Variants in ABCA13 observed in about 807,000 individuals in gnomAD.
ABCA13 encodes the protein ATP binding cassette subfamily A member 13, also known as ATP-binding cassette sub-family A member 13.
ABCA13 carries 476 observed loss-of-function variants against 478.7 expected under a neutral mutation model. The ratio of observed to expected loss-of-function variants is 0.99; its 90% CI spans 0.92 to 1.07. The LOEUF (loss-of-function observed/expected upper bound fraction) is 1.07, where lower values mean the gene tolerates loss of function less well. Ranked by LOEUF, ABCA13 falls within the 50% of genes least tolerant of loss-of-function variation. The probability of loss-of-function intolerance (pLI) is 0.00; values close to 1 mark genes in which losing one functional copy is unlikely to be tolerated. For missense variants in ABCA13, 6,060 were observed against 5,910.6 expected (o/e 1.03, Z -0.83); for synonymous variants, 2,252 against 2,158.9 (o/e 1.04, Z -1.20).
intron 58 of ABCA13, among the ~76,000 whole-genome samples, chr7:48,596,176 C>T (rs1462316787): frequency 6.6e-6 from 1 of 152,224 alleles, no homozygotes; most frequent in African/African-American, 2.4e-5. Flanking sequence ...GTGAAGAACT[C>T]AGCCATTCAC....
chr7:48,372,127 C>T lies in ABCA13; in HGVS notation c.10804-41C>T, dbSNP rs576577667. 1.7e-5 allele frequency: 27 copies of T among 1,543,266 alleles called. No individual in the cohort carries two copies. In the East Asian group the frequency reaches 1.8e-4, roughly 10 times the overall value. ...CATCTGATTTGTTCTTCCTCAAGTACGCATGCTGTGGTAACCTTGGGTTTT... is the reference window on the plus strand; with the variant it reads ...CATCTGATTTGTTCTTCCTCAAGTATGCATGCTGTGGTAACCTTGGGTTTT... On this transcript the variant is annotated intron_variant, in intron 32 of 61. Transcript: ENST00000435803.
At chr7:48,312,926 T>C in intron 24 of ABCA13, 141 bp from the exon 25 acceptor site, 1 of 801,154 alleles carries the variant, frequency 1.2e-6, no homozygotes, top group East Asian at 2.9e-5. Context: ...ATAACTTTCA[T>C]ATAGTACCGC....
At chr7:48,330,047 AT>A (rs1805025222) in intron 27 of ABCA13, among the ~76,000 whole-genome samples, 1 of 150,842 alleles carries the variant, frequency 6.6e-6, no homozygotes, top group Non-Finnish European at 1.5e-5. Flanking sequence ...CCATCCATCC[AT>A]CCATCCATCC....
chr7:48,239,322 C>T lies in ABCA13; in HGVS notation c.979C>T (p.His327Tyr), dbSNP rs770982616. 5 of 1,613,918 alleles carry T rather than the reference C, an allele frequency of 3.1e-6. No individual in the cohort carries two copies. The East Asian group carries it at 1.1e-4, about 36-fold the overall frequency. ...TSEDEAEKWG[H>Y]VGGCHPKWSE... ...AGAGGATGAAGCTGAGAAATGGGGC[C>T]ACGTTGGAGGCTGCCACCCTAAGTG... The change falls in exon 9 of 62, where the codon CAC (histidine) becomes TAC (tyrosine). Residue 327 changes from histidine (H) to tyrosine (Y), a missense_variant. By Grantham distance (83) the His-to-Tyr change is moderately conservative (BLOSUM62 2). Transcript: ENST00000435803.
Position 48,246,361 on chromosome 7 carries a change from T to G in ABCA13, c.1659+331T>G, listed in dbSNP as rs191043472. On this transcript the variant is annotated intron_variant, in intron 13 of 61. Transcript: ENST00000435803. ...AGAAAAGCAGAGGAGTCTCTGGTGA[T>G]TAGTCAATCCCAGCAAAACTGTGGC... 1.6e-3 allele frequency among the ~76,000 whole-genome samples: 239 copies of G among 152,248 alleles called. 1 individual carries two copies. Among genetic ancestry groups the G allele is most frequent in the Non-Finnish European group, 3.1e-3 (212 of 68,018 alleles).
At chr7:48,561,975 G>A (rs1013791999) in intron 55 of ABCA13, among the ~76,000 whole-genome samples, 4 of 151,992 alleles carry the variant, frequency 2.6e-5, no homozygotes, top group African/African-American at 9.7e-5. Context: ...TTCTGAATAA[G>A]TGTAGAACAT....
intron 1 of ABCA13, among the ~76,000 whole-genome samples, chr7:48,183,945 T>C (rs990717973): frequency 6.6e-6 from 1 of 152,246 alleles, no homozygotes; most frequent in African/African-American, 2.4e-5. Flanking sequence ...AATTATATAG[T>C]ATTCTTAAGG....
At position 48,338,506 on chromosome 7, in the gene ABCA13, C is replaced by G. The variant is rs368997154; in HGVS notation, c.10204+51C>G. 2,170 of 1,457,168 alleles carry G rather than the reference C, an allele frequency of 1.5e-3. 1 individual carries two copies. Among genetic ancestry groups the G allele is most frequent in the Non-Finnish European group, 1.8e-3 (1,932 of 1,076,004 alleles). 90.3% of individuals were successfully genotyped at this position (1,457,168 alleles called of 1,614,324 possible). A position where few individuals can be genotyped will look rare whatever the true frequency, so the allele number is the denominator to read the frequency against. ...TGTTCTTCTGCCCATATGGCTCTGC[C>G]ACTTGGGTGGGTCCTCCCCCTTGGG... On this transcript the variant is annotated intron_variant, in intron 29 of 61. Coordinates refer to ENST00000435803, the MANE Select transcript of ABCA13 (RefSeq NM_152701.5).
chr7:48,597,811 G>T (rs1790452340), intron 58 of ABCA13, among the ~76,000 whole-genome samples: 1 of 151,948 alleles, frequency 6.6e-6, no homozygotes, highest in Admixed American at 6.6e-5. Flanking sequence ...ATAGTTTTAG[G>T]TTCACTGAAA....
At chr7:48,323,938 A>G (rs1015449029) in intron 27 of ABCA13, among the ~76,000 whole-genome samples, 2 of 152,198 alleles carry the variant, frequency 1.3e-5, no homozygotes, top group African/African-American at 4.8e-5. Context: ...CTCTGCTGCC[A>G]TGTAAGACAT....
chr7:48,358,004 T>C (rs1393187560), intron 31 of ABCA13, among the ~76,000 whole-genome samples: 3 of 151,002 alleles, frequency 2.0e-5, no homozygotes, highest in Admixed American at 1.3e-4. Context: ...TAGCTGGGCA[T>C]GGTGGCACGC....
At chr7:48,197,085 C>T (rs988559270) in intron 2 of ABCA13, among the ~76,000 whole-genome samples, 1 of 152,136 alleles carries the variant, frequency 6.6e-6, no homozygotes, top group Admixed American at 6.6e-5. Flanking sequence ...TTATCTGTCC[C>T]AGTAAATTCT....
At position 48,389,229 on chromosome 7, in the gene ABCA13, C is replaced by T; in HGVS notation, c.11654+9C>T. 4 of 1,602,926 alleles carry T rather than the reference C, an allele frequency of 2.5e-6. No homozygotes were observed. Among genetic ancestry groups the T allele is most frequent in the Non-Finnish European group, 3.4e-6 (4 of 1,172,818 alleles). ...GGGAAAACCACTATCATGTGGGTCC[C>T]ATTTTACCCTTATCAAACACTGGGC... On this transcript the variant is annotated intron_variant, in intron 37 of 61. Transcript: ENST00000435803.
intron 43 of ABCA13, among the ~76,000 whole-genome samples, chr7:48,465,028 A>C (rs1398923631): frequency 6.6e-6 from 1 of 152,156 alleles, no homozygotes; most frequent in Admixed American, 6.5e-5. Context: ...AGCACCCTCA[A>C]AAGCAGATCT....
chr7:48,283,393 G>A (rs982934747), intron 19 of ABCA13, among the ~76,000 whole-genome samples: 2 of 152,132 alleles, frequency 1.3e-5, no homozygotes, highest in South Asian at 2.1e-4. Context: ...GTATGGCCAT[G>A]AGGGTGAGAG....
At chr7:48,562,932 T>A (rs1362467238) in intron 55 of ABCA13, among the ~76,000 whole-genome samples, 2 of 150,970 alleles carry the variant, frequency 1.3e-5, no homozygotes, top group Non-Finnish European at 2.9e-5. Flanking sequence ...CCTTATAGCT[T>A]TGAGTTATTA....
At chr7:48,239,458 C>A in intron 9 of ABCA13, 53 bp downstream of exon 9, 1 of 1,521,882 alleles carries the variant, frequency 6.6e-7, no homozygotes. Context: ...TTTGAGTGTC[C>A]AAATCCATTC....
At chr7:48,598,534 G>A (rs948222142) in intron 58 of ABCA13, among the ~76,000 whole-genome samples, 1 of 151,994 alleles carries the variant, frequency 6.6e-6, no homozygotes, top group African/African-American at 2.4e-5. Context: ...TATTATTTTT[G>A]AATTGTAATA....
intron 35 of ABCA13, among the ~76,000 whole-genome samples, chr7:48,379,984 C>T (rs1328736407): frequency 6.6e-6 from 1 of 152,052 alleles, no homozygotes; most frequent in African/African-American, 2.4e-5. Context: ...GAGATCTATT[C>T]TTTAGTAGTG....
Sources: allele counts gnomAD v4.1 joint callset (sites outside exome capture counted in the v4.1 genomes callset), GRCh38; gene constraint gnomAD v4.1.1; transcripts MANE v1.5; gene names NCBI Gene and HGNC (gene_info 2026-07-23, HGNC 2026-07-21).